Variants in LALBA observed in about 807,000 individuals in gnomAD.
LALBA encodes alpha-lactalbumin.
In LALBA, 12 loss-of-function variants were observed where a neutral mutation model predicts 13.4. That is an observed-to-expected ratio of 0.89 (90% CI 0.57 to 1.45). The LOEUF (loss-of-function observed/expected upper bound fraction) is 1.45. LALBA is among the 40% of genes most tolerant of loss of function. The pLI is 0.00. For synonymous variants in LALBA, 64 were observed against 61.0 expected, an observed-to-expected ratio of 1.05 and a Z score of -0.23; for missense variants, 145 against 165.9, an observed-to-expected ratio of 0.87 and a Z score of 0.69.
intron 2 of LALBA, 71 bp downstream of exon 2, chr12:48,569,011 C>A: frequency 7.5e-7 from 1 of 1,336,394 alleles, no homozygotes; most frequent in Non-Finnish European, 1.0e-6. Flanking sequence ...GTCTGCTTGG[C>A]ACTAAAAAGG....
chr12:48,570,052 C>T (rs1332464201), upstream of LALBA: 1 of 1,612,338 alleles, frequency 6.2e-7, no homozygotes, highest in Non-Finnish European at 8.5e-7. Context: ...GAAATGGAAG[C>T]ATCACTCAGT....
At chr12:48,569,792 T>A in intron 1 of LALBA, 96 bp downstream of exon 1, 2 of 1,102,828 alleles carry the variant, frequency 1.8e-6, no homozygotes, top group South Asian at 1.4e-5. Flanking sequence ...GATGATTAGA[T>A]AATTAAGTAA....
rs549444215 is a variant in LALBA, at chr12:48,568,142, C to T, written c.369-125G>A. Reference sequence around the variant, plus strand: ...AAGACATTCCTGGCCTGATGTCAAGCGACACAAGCCATCAAGTGGAATACA... The same window carrying T: ...AAGACATTCCTGGCCTGATGTCAAGTGACACAAGCCATCAAGTGGAATACA... On this transcript the variant is annotated intron_variant, in intron 3 of 3. Transcript: ENST00000301046. The T allele has an allele frequency of 4.9e-5, 37 of 748,614 alleles. 1 individual carries two copies. The highest frequency in any genetic ancestry group is 3.6e-4 in the South Asian group (23 of 63,136). The allele number at this position is 748,614 out of a possible 1,614,324, so 46.4% of individuals were successfully genotyped here. A position where few individuals can be genotyped will look rare whatever the true frequency, so the allele number is the denominator to read the frequency against.
upstream of LALBA, chr12:48,570,116 A>G: frequency 4.5e-6 from 6 of 1,319,608 alleles, 1 homozygote; most frequent in South Asian, 7.6e-5. Flanking sequence ...ACCAAGCCCT[A>G]CATCTAGGAA....
chr12:48,571,665 A>T (rs1418976627), upstream of LALBA, among the ~76,000 whole-genome samples: 1 of 152,132 alleles, frequency 6.6e-6, no homozygotes, highest in Non-Finnish European at 1.5e-5. Flanking sequence ...TGCTAGGATT[A>T]CAGACAGGAG....
chr12:48,568,238 G>A, intron 3 of LALBA: 1 of 613,364 alleles, frequency 1.6e-6, no homozygotes, highest in South Asian at 2.0e-5. Context: ...GCTTGCTTTA[G>A]GGCATAGAAC....
At chr12:48,568,303 C>A in intron 3 of LALBA, 1 of 606,610 alleles carries the variant, frequency 1.6e-6, no homozygotes. Flanking sequence ...TGGGTCTGAG[C>A]CCTCCATTAG....
upstream of LALBA, among the ~76,000 whole-genome samples, chr12:48,571,780 G>C: frequency 6.6e-6 from 1 of 152,148 alleles, no homozygotes; most frequent in East Asian, 1.9e-4. Context: ...CATGTATTCA[G>C]AGTCAGGGAA....
At chr12:48,570,774 G>A (rs953206024), upstream of LALBA, among the ~76,000 whole-genome samples, 51 of 152,006 alleles carry the variant, frequency 3.4e-4, no homozygotes, top group African/African-American at 1.1e-3. Flanking sequence ...CTTGAGCCCA[G>A]GAGCTCGAGA....
chr12:48,571,810 C>T (rs570851406), upstream of LALBA, among the ~76,000 whole-genome samples: 1 of 152,264 alleles, frequency 6.6e-6, no homozygotes, highest in African/African-American at 2.4e-5. Context: ...CAGTTAAATC[C>T]TGTCTTCTGT....
upstream of LALBA, among the ~76,000 whole-genome samples, chr12:48,570,613 T>C (rs190244234): frequency 7.2e-5 from 11 of 152,286 alleles, no homozygotes; most frequent in East Asian, 2.1e-3. Context: ...TATGGGAACG[T>C]AGACTACAAC....
chr12:48,568,676 A>AGGG, intron 2 of LALBA, 84 bp from the exon 3 acceptor site: 3 of 790,962 alleles, frequency 3.8e-6, no homozygotes, highest in African/African-American at 1.7e-5. Context: ...CCCTGGATCC[A>AGGG]GTGGGTTCTC....
At position 48,567,873 on chromosome 12, in the gene LALBA, CAGAA is replaced by C; in HGVS notation, c.*80_*83del. On this transcript the variant is annotated 3_prime_UTR_variant, in exon 4 of 4. Transcript: ENST00000301046. ...CAGAGACAGATAAGCTTTGGGGGAA[CAGAA>C]AGAAACAAACTGAGGTGGCATTAGG... is the stretch of plus-strand genomic sequence containing the variant. The C allele has an allele frequency of 1.7e-6, 2 of 1,149,804 alleles. No homozygotes were observed. Among genetic ancestry groups the C allele is most frequent in the South Asian group, 2.6e-5 (2 of 75,784 alleles). The allele number at this position is 1,149,804 out of a possible 1,614,324, so 71.2% of individuals were successfully genotyped here.
chr12:48,570,090 C>A, upstream of LALBA: 7 of 1,555,980 alleles, frequency 4.5e-6, no homozygotes, highest in Non-Finnish European at 6.2e-6. Flanking sequence ...ATGCAGAAAG[C>A]CTCAGGGGCT....
intron 3 of LALBA, 149 bp from the exon 4 acceptor site, chr12:48,568,166 C>T (rs1938590487): frequency 3.0e-6 from 2 of 670,286 alleles, no homozygotes; most frequent in African/African-American, 1.8e-5. Context: ...AAGTGGAATA[C>T]AGTCCATAAA....
chr12:48,569,810 G>T, intron 1 of LALBA, 78 bp downstream of exon 1: 1 of 1,397,048 alleles, frequency 7.2e-7, no homozygotes. Context: ...TAAAAGTGGA[G>T]GGGCGAAGTG....
At chr12:48,571,424 GC>G (rs1423643607), upstream of LALBA, among the ~76,000 whole-genome samples, 1 of 106,722 alleles carries the variant, frequency 9.4e-6, no homozygotes, top group Admixed American at 1.5e-4. Context: ...TCACTCTGTT[GC>G]CCAGGCTGGA....
Position 48,569,981 on chromosome 12 carries a change from A to G in LALBA, c.40T>C (p.Phe14Leu), listed in dbSNP as rs777786838. 5.6e-6 allele frequency: 9 copies of G among 1,613,964 alleles called. No individual in the cohort carries two copies. Among genetic ancestry groups the G allele is most frequent in the Non-Finnish European group, 7.6e-6 (9 of 1,179,984 alleles). ...AATTGCTTGGCCAGGATGGCAGGGAACAGGATGCCCACCAGGAACAGAGGG... is the reference window on the plus strand; with the variant it reads ...AATTGCTTGGCCAGGATGGCAGGGAGCAGGATGCCCACCAGGAACAGAGGG... ...FVPLFLVGILFPAILAKQFTK... is the reference protein window; with the variant it reads ...FVPLFLVGILLPAILAKQFTK... Residue 14 changes from phenylalanine to leucine, a missense_variant, in exon 1 of 4, where the codon TTC becomes CTC. Coordinates refer to ENST00000301046, the MANE Select transcript of LALBA (RefSeq NM_002289.3).
Position 48,567,836 on chromosome 12 carries a change from G to C in LALBA, c.*121C>G. ...TCAAGAATTCGGTGATGTCACTACA[G>C]GGCCCAAGGCTCAGAGACAGATAAG... On this transcript the variant is annotated 3_prime_UTR_variant, in exon 4 of 4. Transcript: ENST00000301046. 1.2e-6 allele frequency: 1 copy of C among 837,948 alleles called. No homozygotes were observed. Among genetic ancestry groups the C allele is most frequent in the South Asian group, 1.5e-5 (1 of 65,182 alleles). 51.9% of individuals were successfully genotyped at this position (837,948 alleles called of 1,614,324 possible). A position where few individuals can be genotyped will look rare whatever the true frequency, so the allele number is the denominator to read the frequency against.
Sources: gnomAD v4.1 joint callset for allele counts (sites outside exome capture counted in the v4.1 genomes callset) on GRCh38, gnomAD v4.1.1 for gene constraint, MANE v1.5 for transcripts, NCBI Gene and HGNC (gene_info 2026-07-23, HGNC 2026-07-21) for gene names.